Variants in CEP128 observed in about 807,000 individuals in gnomAD.
CEP128 encodes the protein centrosomal protein 128.
In CEP128, 132 loss-of-function variants were observed where a neutral mutation model predicts 156.7. That is an observed-to-expected ratio of 0.84 (90% CI 0.73 to 0.97). The LOEUF (loss-of-function observed/expected upper bound fraction) is 0.97, where lower values mean the gene tolerates loss of function less well. Among genes scored for constraint, CEP128 ranks in the 50% least tolerant of loss-of-function variants. The pLI, the probability that CEP128 is intolerant of heterozygous loss-of-function variation, is 0.00. For missense variants in CEP128, 1,252 were observed against 1,281.9 expected (o/e 0.98, Z 0.36); for synonymous variants, 469 against 448.9 (o/e 1.04, Z -0.57).
At chr14:80,773,585 C>T (rs12590477) in intron 16 of CEP128, among the ~76,000 whole-genome samples, 15,161 of 152,036 alleles carry the variant, frequency 0.1, 1,291 homozygotes, top group East Asian at 0.43. Flanking sequence ...TATTTGCAAA[C>T]GAATTTTTTT....
chr14:80,570,730 CAATA>C (rs1891106470), intron 20 of CEP128, among the ~76,000 whole-genome samples: 2 of 148,500 alleles, frequency 1.3e-5, no homozygotes, highest in South Asian at 4.2e-4. Context: ...AGCAAATAGA[CAATA>C]AATTCTTTTT....
intron 19 of CEP128, among the ~76,000 whole-genome samples, chr14:80,664,697 G>T (rs1189518954): frequency 6.6e-6 from 1 of 152,206 alleles, no homozygotes; most frequent in Admixed American, 6.5e-5. Flanking sequence ...CTTCAGGAAT[G>T]AATGCTTGAC....
At chr14:80,702,231 GC>G in intron 19 of CEP128, among the ~76,000 whole-genome samples, 1 of 152,106 alleles carries the variant, frequency 6.6e-6, no homozygotes, top group Non-Finnish European at 1.5e-5. Context: ...CGAAAATAGA[GC>G]CTGACATTGT....
downstream of CEP128, among the ~76,000 whole-genome samples, chr14:80,494,991 C>T (rs560595061): frequency 6.6e-6 from 1 of 152,240 alleles, no homozygotes; most frequent in African/African-American, 2.4e-5. Context: ...TGTGTTTCTC[C>T]CCCTGTAGCC....
At chr14:80,577,908 T>C (rs1891426642) in intron 20 of CEP128, among the ~76,000 whole-genome samples, 1 of 152,170 alleles carries the variant, frequency 6.6e-6, no homozygotes, top group Non-Finnish European at 1.5e-5. Context: ...TGTGCTCTTT[T>C]ATCCTAGGCC....
chr14:80,809,136 G>T (rs1172413579), intron 13 of CEP128, among the ~76,000 whole-genome samples: 3 of 151,996 alleles, frequency 2.0e-5, no homozygotes, highest in Non-Finnish European at 4.4e-5. Context: ...AAAACAATTT[G>T]GGATATAAAT....
chr14:80,546,864 T>C (rs1407906629), intron 21 of CEP128, among the ~76,000 whole-genome samples: 1 of 152,166 alleles, frequency 6.6e-6, no homozygotes, highest in Non-Finnish European at 1.5e-5. Flanking sequence ...CTGTTTGATG[T>C]TCAAATGTAA....
chr14:80,732,395 T>C (rs1023310580), intron 19 of CEP128, among the ~76,000 whole-genome samples: 4 of 151,838 alleles, frequency 2.6e-5, no homozygotes, highest in Admixed American at 2.6e-4. Context: ...GGAAAACCAC[T>C]GAGGTTTCTA....
At position 80,765,098 on chromosome 14, in the gene CEP128, G is replaced by A. The variant is rs117262131; in HGVS notation, c.2377-3485C>T. ...AAGATGGAGTAAGTGATTGCTTCTC[G>A]GCCTTCTGGCTAAGATCGAGTGTGG... On this transcript the variant is annotated intron_variant, in intron 16 of 24. Coordinates refer to ENST00000555265, the MANE Select transcript of CEP128 (RefSeq NM_152446.5). 3.9e-3 allele frequency among the ~76,000 whole-genome samples: 597 copies of A among 152,226 alleles called. 1 individual carries two copies. The highest frequency in any genetic ancestry group is 5.2e-3 in the Non-Finnish European group (356 of 68,012).
chr14:80,943,421 A>G (rs73344087), upstream of CEP128, among the ~76,000 whole-genome samples: 375 of 152,346 alleles, frequency 2.5e-3, 2 homozygotes, highest in African/African-American at 8.6e-3. Context: ...AGCTAATGTA[A>G]TCACGAGCTA....
chr14:80,529,161 C>T (rs938581738), intron 22 of CEP128, among the ~76,000 whole-genome samples: 1 of 152,166 alleles, frequency 6.6e-6, no homozygotes, highest in Non-Finnish European at 1.5e-5. Flanking sequence ...TATAGAGTAT[C>T]TCTGAAGATT....
chr14:80,665,197 T>C (rs946385165), intron 19 of CEP128, among the ~76,000 whole-genome samples: 7 of 152,186 alleles, frequency 4.6e-5, no homozygotes, highest in East Asian at 1.9e-4. Context: ...CTGCTTTACA[T>C]GACTAGGGGC....
At chr14:80,746,369 T>C (rs773190046) in intron 18 of CEP128, among the ~76,000 whole-genome samples, 17 of 152,112 alleles carry the variant, frequency 1.1e-4, no homozygotes, top group Admixed American at 2.0e-4. Context: ...CAAGATGGTG[T>C]GGTATTGGCA....
chr14:80,525,019 G>C (rs191828346), intron 23 of CEP128, among the ~76,000 whole-genome samples: 5 of 152,212 alleles, frequency 3.3e-5, no homozygotes, highest in Admixed American at 6.5e-5. Flanking sequence ...TGCTGTTATG[G>C]AAATTGCATT....
chr14:80,686,369 G>A (rs1896524276), intron 19 of CEP128, among the ~76,000 whole-genome samples: 1 of 152,008 alleles, frequency 6.6e-6, no homozygotes, highest in Admixed American at 6.6e-5. Flanking sequence ...TTTTAGACAA[G>A]CAAATGCTGG....
intron 24 of CEP128, among the ~76,000 whole-genome samples, chr14:80,504,242 G>A (rs1887867642): frequency 6.6e-6 from 1 of 152,162 alleles, no homozygotes; most frequent in South Asian, 2.1e-4. Context: ...GGAAACAGTG[G>A]TGAACAAAAC....
intron 21 of CEP128, among the ~76,000 whole-genome samples, chr14:80,555,079 C>A (rs764116998): frequency 4.6e-5 from 7 of 152,080 alleles, no homozygotes; most frequent in Admixed American, 6.5e-5. Flanking sequence ...AAAATCAAGT[C>A]TAAACTGCTT....
At chr14:80,763,488 G>A (rs1236676768) in intron 16 of CEP128, among the ~76,000 whole-genome samples, 1 of 152,076 alleles carries the variant, frequency 6.6e-6, no homozygotes, top group Non-Finnish European at 1.5e-5. Flanking sequence ...AAGTCTCTAG[G>A]TGATATTTGC....
intron 18 of CEP128, among the ~76,000 whole-genome samples, chr14:80,749,770 T>C (rs1039471520): frequency 1.3e-5 from 2 of 152,136 alleles, no homozygotes; most frequent in Admixed American, 6.5e-5. Context: ...AAGAATATAA[T>C]TGGAATATTT....
Sources: gnomAD v4.1 joint callset for allele counts (sites outside exome capture counted in the v4.1 genomes callset) on GRCh38, gnomAD v4.1.1 for gene constraint, MANE v1.5 for transcripts, NCBI Gene and HGNC (gene_info 2026-07-23, HGNC 2026-07-21) for gene names.